Variants in ADGRL3 observed in about 807,000 individuals in gnomAD.
The protein encoded by ADGRL3 is adhesion G protein-coupled receptor L3.
In ADGRL3, 62 loss-of-function variants were observed where a neutral mutation model predicts 153.5. The ratio of observed to expected loss-of-function variants is 0.40; its 90% CI spans 0.33 to 0.50. The LOEUF (loss-of-function observed/expected upper bound fraction) is 0.50. ADGRL3 is among the 20% of genes least tolerant of loss of function. The probability of loss-of-function intolerance (pLI) is 0.47; values close to 1 mark genes in which losing one functional copy is unlikely to be tolerated. For synonymous variants in ADGRL3, 710 were observed against 672.5 expected (o/e 1.06, Z -0.86); for missense variants, 1,641 against 1,859.4 (o/e 0.88, Z 2.16).
At chr4:61,621,118 T>A (rs967560055) in intron 5 of ADGRL3, among the ~76,000 whole-genome samples, 1 of 152,234 alleles carries the variant, frequency 6.6e-6, no homozygotes, top group African/African-American at 2.4e-5. Context: ...AAGTACATGT[T>A]GATAATAAAC....
At chr4:61,597,053 C>A (rs2098991953) in intron 5 of ADGRL3, among the ~76,000 whole-genome samples, 2 of 149,692 alleles carry the variant, frequency 1.3e-5, no homozygotes, top group Admixed American at 1.3e-4. Flanking sequence ...TGCATAAGGG[C>A]TAATTTCAAT....
At chr4:61,971,255 C>T (rs2099026384) in intron 17 of ADGRL3, among the ~76,000 whole-genome samples, 1 of 151,808 alleles carries the variant, frequency 6.6e-6, no homozygotes, top group Admixed American at 6.6e-5. Flanking sequence ...GTGCTGCACC[C>T]ATTAACTCGT....
Position 62,071,081 on chromosome 4 carries a change from G to A in ADGRL3, c.*173G>A. ...TTAATGGGATTTTTAGGTCAGCCCAGGGGAGAAAGATAACTGCTAAAATTC... is the reference window on the plus strand; with the variant it reads ...TTAATGGGATTTTTAGGTCAGCCCAAGGGAGAAAGATAACTGCTAAAATTC... On this transcript the variant is annotated 3_prime_UTR_variant, in exon 27 of 27. Coordinates refer to ENST00000683033, the MANE Select transcript of ADGRL3 (RefSeq NM_001387552.1). The A allele has an allele frequency of 1.7e-6, 1 of 579,218 alleles. No homozygotes were observed. Among genetic ancestry groups the A allele is most frequent in the East Asian group, 2.9e-5 (1 of 34,988 alleles). The allele number at this position is 579,218 out of a possible 1,614,324, so 35.9% of individuals were successfully genotyped here. A position where few individuals can be genotyped will look rare whatever the true frequency, so the allele number is the denominator to read the frequency against.
At chr4:61,381,282 A>G (rs1249927404) in intron 1 of ADGRL3, among the ~76,000 whole-genome samples, 1 of 143,120 alleles carries the variant, frequency 7.0e-6, no homozygotes, top group African/African-American at 2.7e-5. Flanking sequence ...GACAGTTTCC[A>G]ATAAACAAGT....
intron 19 of ADGRL3, among the ~76,000 whole-genome samples, chr4:61,985,919 A>AG (rs1405978585): frequency 6.7e-6 from 1 of 150,004 alleles, no homozygotes; most frequent in Non-Finnish European, 1.5e-5. Flanking sequence ...AAAAAAAAAA[A>AG]CAAAAAAACA....
intron 13 of ADGRL3, among the ~76,000 whole-genome samples, chr4:61,913,748 G>A (rs2098732934): frequency 6.6e-6 from 1 of 152,074 alleles, no homozygotes. Context: ...GTACAGAATT[G>A]AGAACTGGAT....
chr4:61,916,957 A>C (rs1257739833), intron 13 of ADGRL3, among the ~76,000 whole-genome samples: 1 of 152,252 alleles, frequency 6.6e-6, no homozygotes, highest in Non-Finnish European at 1.5e-5. Flanking sequence ...CATCTCCAAA[A>C]AAAAATAAAA....
Position 61,843,238 on chromosome 4 carries a change from T to C in ADGRL3, c.1480+29349T>C, listed in dbSNP as rs550049610. Among the ~76,000 whole-genome samples, 60 of 152,302 alleles carry C rather than the reference T, an allele frequency of 3.9e-4. No homozygotes were observed. The East Asian group carries it at 4.1e-3, about 10-fold the overall frequency. ...CATTTCTAAGTTTATGGATATAAAC[T>C]TATAGATATGCAAAAACCAATGTAG... On this transcript the variant is annotated intron_variant, in intron 9 of 26. Coordinates refer to ENST00000683033, the MANE Select transcript of ADGRL3 (RefSeq NM_001387552.1).
intron 9 of ADGRL3, among the ~76,000 whole-genome samples, chr4:61,831,021 T>C (rs1414184996): frequency 6.6e-6 from 1 of 152,094 alleles, no homozygotes; most frequent in Non-Finnish European, 1.5e-5. Context: ...CCCAAATAGC[T>C]GGGATTACAG....
At chr4:61,755,240 G>C (rs1213972209) in intron 8 of ADGRL3, among the ~76,000 whole-genome samples, 1 of 151,992 alleles carries the variant, frequency 6.6e-6, no homozygotes, top group Non-Finnish European at 1.5e-5. Flanking sequence ...CACCAACAGT[G>C]TAAAAGTGTT....
intron 1 of ADGRL3, among the ~76,000 whole-genome samples, chr4:61,372,211 A>T (rs1363288738): frequency 1.3e-5 from 2 of 152,118 alleles, no homozygotes; most frequent in Non-Finnish European, 2.9e-5. Context: ...TGATCGTCTG[A>T]AGCCTTCTTC....
chr4:61,757,508 C>T (rs968860326), intron 8 of ADGRL3, among the ~76,000 whole-genome samples: 2 of 151,986 alleles, frequency 1.3e-5, no homozygotes, highest in African/African-American at 2.4e-5. Flanking sequence ...TTATTCGTCT[C>T]TCTTTTCTTC....
At chr4:61,484,306 C>A (rs62305346) in intron 2 of ADGRL3, among the ~76,000 whole-genome samples, 3,893 of 152,060 alleles carry the variant, frequency 0.026, 73 homozygotes, top group Non-Finnish European at 0.04. Flanking sequence ...CAATTAAAAC[C>A]CTAAAAGCTG....
intron 4 of ADGRL3, among the ~76,000 whole-genome samples, chr4:61,547,608 G>T (rs1334867331): frequency 6.6e-6 from 1 of 151,926 alleles, no homozygotes; most frequent in African/African-American, 2.4e-5. Context: ...TTTTATGGCT[G>T]CATAGTTTTC....
At chr4:61,428,869 ATC>A (rs2097315643) in intron 2 of ADGRL3, among the ~76,000 whole-genome samples, 2 of 117,808 alleles carry the variant, frequency 1.7e-5, no homozygotes, top group Admixed American at 1.6e-4. Context: ...CTATCTATCT[ATC>A]TATATCATCT....
intron 19 of ADGRL3, among the ~76,000 whole-genome samples, chr4:61,990,806 T>A (rs550705857): frequency 1.3e-5 from 2 of 151,782 alleles, no homozygotes; most frequent in East Asian, 3.9e-4. Flanking sequence ...CCACAGAGAG[T>A]TTGGAGTCAG....
Position 61,996,460 on chromosome 4 carries a change from G to T in ADGRL3, c.3303+103G>T, listed in dbSNP as rs892187690. 1.4e-5 allele frequency: 11 copies of T among 790,790 alleles called. No homozygotes were observed. In the Admixed American group the frequency reaches 2.3e-4, roughly 17 times the overall value. The allele number at this position is 790,790 out of a possible 1,614,324, so 49.0% of individuals were successfully genotyped here. On this transcript the variant is annotated intron_variant, in intron 20 of 26. Coordinates refer to ENST00000683033, the MANE Select transcript of ADGRL3 (RefSeq NM_001387552.1). ...ATTTACAGAGGTTAATTTGGGGAAA[G>T]CATGTACTTATTTGACCCTACATAA...
chr4:61,337,990 C>T (rs6822041), intron 1 of ADGRL3, among the ~76,000 whole-genome samples: 74,144 of 151,930 alleles, frequency 0.49, 19,753 homozygotes, highest in East Asian at 0.69. Flanking sequence ...AGGCCGGGCA[C>T]GGTGGCTCAC....
At chr4:61,732,343 A>G (rs1340258998) in intron 7 of ADGRL3, among the ~76,000 whole-genome samples, 1 of 152,158 alleles carries the variant, frequency 6.6e-6, no homozygotes, top group Non-Finnish European at 1.5e-5. Flanking sequence ...GGTGAATTTC[A>G]TCAGAATGGA....
Sources: allele counts gnomAD v4.1 joint callset (sites outside exome capture counted in the v4.1 genomes callset), GRCh38; gene constraint gnomAD v4.1.1; transcripts MANE v1.5; gene names NCBI Gene and HGNC (gene_info 2026-07-23, HGNC 2026-07-21).